QTMAN: variants seen among roughly 807,000 people sequenced by gnomAD.
The protein encoded by QTMAN is queuosine-tRNA mannosyltransferase, also known as tRNA-queuosine alpha-mannosyltransferase.
the QTMAN span, among the ~76,000 whole-genome samples, chr2:144,078,842 G>C: frequency 6.6e-6 from 1 of 152,064 alleles, no homozygotes; most frequent in Non-Finnish European, 1.5e-5. Flanking sequence ...TGCAAACCAA[G>C]AACCTGTCAA....
the QTMAN span, among the ~76,000 whole-genome samples, chr2:143,996,763 T>A: frequency 1.3e-5 from 2 of 152,064 alleles, no homozygotes; most frequent in Non-Finnish European, 2.9e-5. Flanking sequence ...GTTTCACTTA[T>A]ATAACAGGAC....
the QTMAN span, among the ~76,000 whole-genome samples, chr2:144,029,798 C>T: frequency 6.6e-6 from 1 of 151,994 alleles, no homozygotes; most frequent in South Asian, 2.1e-4. Flanking sequence ...ACTAAGAGTA[C>T]TGAAAAGCTT....
chr2:144,183,943 G>A, the QTMAN span, among the ~76,000 whole-genome samples: 1 of 152,096 alleles, frequency 6.6e-6, no homozygotes, highest in Admixed American at 6.6e-5. Flanking sequence ...TACAGGAAAT[G>A]CAAATCATGC....
the QTMAN span, among the ~76,000 whole-genome samples, chr2:144,326,799 T>C: frequency 6.6e-6 from 1 of 152,180 alleles, no homozygotes; most frequent in Non-Finnish European, 1.5e-5. Flanking sequence ...ACTGGACAGA[T>C]TCAGTTCCAA....
the QTMAN span, among the ~76,000 whole-genome samples, chr2:144,027,107 T>C: frequency 6.6e-6 from 1 of 152,324 alleles, no homozygotes; most frequent in Non-Finnish European, 1.5e-5. Context: ...CCCTGAGCTA[T>C]TGGATAGGCA....
At chr2:144,159,421 C>G in the QTMAN span, among the ~76,000 whole-genome samples, 2 of 152,050 alleles carry the variant, frequency 1.3e-5, no homozygotes, top group African/African-American at 2.4e-5. Flanking sequence ...TAAGATGAAA[C>G]TGCATTACCG....
At chr2:143,970,793 G>T in the QTMAN span, 2 of 1,173,478 alleles carry the variant, frequency 1.7e-6, no homozygotes, top group Non-Finnish European at 2.6e-6. Context: ...TATAACTTGT[G>T]TTACCTTAGG....
chr2:144,187,808 T>C, the QTMAN span, among the ~76,000 whole-genome samples: 2 of 152,258 alleles, frequency 1.3e-5, no homozygotes, highest in East Asian at 1.9e-4. Flanking sequence ...TCCTAACCCA[T>C]AGTACCTGTG....
At chr2:144,006,139 G>C in the QTMAN span, 1 of 152,040 alleles carries the variant, frequency 6.6e-6, no homozygotes, top group African/African-American at 2.4e-5. Flanking sequence ...CCTTAGAAAG[G>C]CTATGCTGGA....
chr2:144,155,238 C>T, the QTMAN span, among the ~76,000 whole-genome samples: 93 of 152,230 alleles, frequency 6.1e-4, no homozygotes, highest in Non-Finnish European at 1.2e-3. Context: ...ACAAAAGGAA[C>T]TCAAGAGGAA....
At chr2:144,197,104 T>C in the QTMAN span, among the ~76,000 whole-genome samples, 3 of 152,194 alleles carry the variant, frequency 2.0e-5, no homozygotes, top group Admixed American at 1.3e-4. Context: ...CTATTGCTCC[T>C]AGGTTACAAA....
the QTMAN span, among the ~76,000 whole-genome samples, chr2:144,289,701 T>C: frequency 6.6e-6 from 1 of 152,168 alleles, no homozygotes; most frequent in Admixed American, 6.5e-5. Context: ...AATCTTACCT[T>C]ATCAGTAATT....
chr2:144,252,724 A>G, the QTMAN span, among the ~76,000 whole-genome samples: 1 of 152,184 alleles, frequency 6.6e-6, no homozygotes, highest in South Asian at 2.1e-4. Flanking sequence ...TTACCATGCA[A>G]TCCAGCAACT....
At chr2:144,248,124 G>C in the QTMAN span, among the ~76,000 whole-genome samples, 1 of 150,628 alleles carries the variant, frequency 6.6e-6, no homozygotes, top group Admixed American at 6.6e-5. Flanking sequence ...AGTGTTTTAC[G>C]TAATAGTAAA....
At chr2:144,066,516 A>G in the QTMAN span, among the ~76,000 whole-genome samples, 1 of 152,326 alleles carries the variant, frequency 6.6e-6, no homozygotes, top group East Asian at 1.9e-4. Context: ...TAGCCTGCCT[A>G]AGAAATGACC....
At chr2:144,031,276 G>A in the QTMAN span, among the ~76,000 whole-genome samples, 1 of 151,804 alleles carries the variant, frequency 6.6e-6, no homozygotes, top group Non-Finnish European at 1.5e-5. Context: ...AAAATTCAAG[G>A]GCTTGGGTAT....
At chr2:144,042,430 G>GA in the QTMAN span, among the ~76,000 whole-genome samples, 1 of 152,050 alleles carries the variant, frequency 6.6e-6, no homozygotes, top group Non-Finnish European at 1.5e-5. Flanking sequence ...GCAGAGATAA[G>GA]AAAGAGGAGA....
chr2:144,092,873 GT>G, the QTMAN span, among the ~76,000 whole-genome samples: 4 of 119,338 alleles, frequency 3.4e-5, no homozygotes, highest in South Asian at 3.0e-4. Flanking sequence ...CTTTTGGGGT[GT>G]GTGTGTGTGT....
the QTMAN span, among the ~76,000 whole-genome samples, chr2:144,106,548 A>G: frequency 6.6e-6 from 1 of 152,266 alleles, no homozygotes; most frequent in African/African-American, 2.4e-5. Flanking sequence ...TTCAACAAGA[A>G]GAGCTAACTA....
Sources: allele counts gnomAD v4.1 joint callset (sites outside exome capture counted in the v4.1 genomes callset), GRCh38; gene constraint gnomAD v4.1.1; transcripts MANE v1.5; gene names NCBI Gene and HGNC (gene_info 2026-07-23, HGNC 2026-07-21).